Variants in PRKCZ observed in about 807,000 individuals in gnomAD.
PRKCZ encodes protein kinase C zeta, also known as protein kinase C zeta type.
In PRKCZ, 33 loss-of-function variants were observed where a neutral mutation model predicts 79.5. The ratio of observed to expected loss-of-function variants is 0.41; its 90% CI spans 0.31 to 0.55. The LOEUF (loss-of-function observed/expected upper bound fraction) is 0.55, where lower values mean the gene tolerates loss of function less well. Ranked by LOEUF, PRKCZ falls within the 20% of genes least tolerant of loss-of-function variation. PRKCZ has a pLI of 0.19. For synonymous variants in PRKCZ, 342 were observed against 320.9 expected, an observed-to-expected ratio of 1.07 and a Z score of -0.70; for missense variants, 578 against 813.5, an observed-to-expected ratio of 0.71 and a Z score of 3.52.
intron 4 of PRKCZ, among the ~76,000 whole-genome samples, chr1:2,063,781 T>G (rs1311760851): frequency 6.6e-6 from 1 of 152,114 alleles, no homozygotes; most frequent in Admixed American, 6.6e-5. Flanking sequence ...CATTGTGGTT[T>G]TGGTTCTCAT....
intron 4 of PRKCZ, among the ~76,000 whole-genome samples, chr1:2,080,979 A>G (rs2678945): frequency 0.49 from 74,009 of 151,964 alleles, 22,004 homozygotes; most frequent in East Asian, 0.95. Context: ...CGCTGGGTCC[A>G]GGTCCACACC....
Position 2,174,618 on chromosome 1 carries a change from C to T in PRKCZ, c.1406-136C>T. ...GCGGGACTCCGGGTTATAGATATTG[C>T]TGGGCTGTAGGAAGGGAGGGGCTCC... On this transcript the variant is annotated intron_variant, in intron 14 of 17. Transcript: ENST00000378567. This position sits in a 1 kb window ranked among gnomAD's most constrained non-coding sequence, Gnocchi z 6.2. 1 of 794,384 alleles carries T rather than the reference C, an allele frequency of 1.3e-6. No individual in the cohort carries two copies. The highest frequency in any genetic ancestry group is 2.1e-6 in the Non-Finnish European group (1 of 486,384). The allele number at this position is 794,384 out of a possible 1,614,324, so 49.2% of individuals were successfully genotyped here. A position where few individuals can be genotyped will look rare whatever the true frequency, so the allele number is the denominator to read the frequency against.
chr1:2,106,801 CT>C lies in PRKCZ; in HGVS notation c.335-28459del, dbSNP rs771743133. Among the ~76,000 whole-genome samples, 139 of 66,036 alleles carry C rather than the reference CT, an allele frequency of 2.1e-3. 7 individuals carry two copies. Among genetic ancestry groups the C allele is most frequent in the South Asian group, 6.5e-3 (13 of 2,010 alleles). The allele number at this position is 66,036 out of a possible 152,430, so 43.3% of individuals were successfully genotyped here. A position where few individuals can be genotyped will look rare whatever the true frequency, so the allele number is the denominator to read the frequency against. Reference sequence around the variant, plus strand: ...ACACGTGTCACCAGGCCAGGTGACTCTTCAGCAGGCCCCTCTGGTGGGCGAG... The same window carrying C: ...ACACGTGTCACCAGGCCAGGTGACTCTCAGCAGGCCCCTCTGGTGGGCGAG... On this transcript the variant is annotated intron_variant, in intron 4 of 17. Transcript: ENST00000378567.
intron 4 of PRKCZ, among the ~76,000 whole-genome samples, chr1:2,111,297 C>A (rs1429803385): frequency 2.0e-5 from 3 of 151,934 alleles, no homozygotes; most frequent in Non-Finnish European, 4.4e-5. Flanking sequence ...CCCACGGCAA[C>A]TGTGAAGGTC....
intron 4 of PRKCZ, among the ~76,000 whole-genome samples, chr1:2,085,297 A>AGGTCCCGGAGCAGGAGCT (rs1664293339): frequency 6.6e-6 from 1 of 152,210 alleles, no homozygotes; most frequent in South Asian, 2.1e-4. Context: ...AGCACACAGA[A>AGGTCCCGGAGCAGGAGCT]GGTCCCGGAG....
chr1:2,086,809 C>T (rs187060794), intron 4 of PRKCZ, among the ~76,000 whole-genome samples: 204 of 152,328 alleles, frequency 1.3e-3, no homozygotes, highest in African/African-American at 4.6e-3. Context: ...TGAGCCTGTT[C>T]GCTCGTGTGC....
chr1:2,054,960 T>TTTA (rs1660021680), intron 1 of PRKCZ, among the ~76,000 whole-genome samples: 1 of 149,760 alleles, frequency 6.7e-6, no homozygotes, highest in Admixed American at 6.6e-5. Context: ...TTTTTTTTTT[T>TTTA]AATACGGAGT....
At chr1:2,144,606 T>A in intron 6 of PRKCZ, 1 of 1,310,028 alleles carries the variant, frequency 7.6e-7, no homozygotes, top group Admixed American at 3.3e-5. Context: ...TACGCTCTGC[T>A]CAGTGGGTCG....
chr1:2,185,071 C>G lies in PRKCZ; in HGVS notation c.*62C>G. The G allele has an allele frequency of 1.4e-6, 2 of 1,456,034 alleles. No individual in the cohort carries two copies. Among genetic ancestry groups the G allele is most frequent in the Non-Finnish European group, 1.9e-6 (2 of 1,056,808 alleles). 90.2% of individuals were successfully genotyped at this position (1,456,034 alleles called of 1,614,324 possible). On this transcript the variant is annotated 3_prime_UTR_variant, in exon 18 of 18. Coordinates refer to ENST00000378567, the MANE Select transcript of PRKCZ (RefSeq NM_002744.6). ...ACCCTTTAACTGTATCCTTAACCAC[C>G]GCATATGCATGCCAGGCTGGGCACG...
intron 4 of PRKCZ, among the ~76,000 whole-genome samples, chr1:2,086,078 TTG>T: frequency 6.7e-6 from 1 of 150,162 alleles, no homozygotes; most frequent in Non-Finnish European, 1.5e-5. Flanking sequence ...TTTTTTTAAA[TTG>T]AGACGGAGTC....
At chr1:2,104,157 A>AG (rs1176271607) in intron 4 of PRKCZ, among the ~76,000 whole-genome samples, 1 of 152,110 alleles carries the variant, frequency 6.6e-6, no homozygotes, top group Non-Finnish European at 1.5e-5. Flanking sequence ...CTCTGGGGCA[A>AG]GGCGGGGTGA....
At position 2,173,371 on chromosome 1, in the gene PRKCZ, A is replaced by G. The variant is rs543103723; in HGVS notation, c.1286-526A>G. ...GCGGCAGCGTCTCACCTCAGCAGGG[A>G]CCAGGGGGACTTCCGGGGACGCAGA... On this transcript the variant is annotated intron_variant, in intron 13 of 17. Transcript: ENST00000378567. This position sits in a 1 kb window ranked among gnomAD's most constrained non-coding sequence, Gnocchi z 5.7. 1.2e-4 allele frequency among the ~76,000 whole-genome samples: 19 copies of G among 152,228 alleles called. No individual in the cohort carries two copies. In the South Asian group the frequency reaches 3.7e-3, roughly 30 times the overall value.
At chr1:2,072,801 G>T (rs1174550608) in intron 4 of PRKCZ, among the ~76,000 whole-genome samples, 1 of 152,132 alleles carries the variant, frequency 6.6e-6, no homozygotes, top group East Asian at 1.9e-4. Context: ...TGCAGGGAGC[G>T]TGTGGTGTGA....
At chr1:2,117,245 C>T (rs147843729) in intron 4 of PRKCZ, among the ~76,000 whole-genome samples, 109 of 152,262 alleles carry the variant, frequency 7.2e-4, no homozygotes, top group African/African-American at 2.4e-3. Context: ...CCACTGCACC[C>T]GGCCTTAAAT....
intron 4 of PRKCZ, among the ~76,000 whole-genome samples, chr1:2,083,834 A>G (rs1206624355): frequency 6.6e-6 from 1 of 152,196 alleles, no homozygotes; most frequent in Non-Finnish European, 1.5e-5. Flanking sequence ...CAGTTGAAAC[A>G]TGGAATCTGA....
intron 4 of PRKCZ, among the ~76,000 whole-genome samples, chr1:2,103,399 A>G (rs1014939344): frequency 6.6e-6 from 1 of 150,520 alleles, no homozygotes; most frequent in Non-Finnish European, 1.5e-5. Flanking sequence ...ACAGTTACAC[A>G]GAGTGTGGGG....
chr1:2,087,007 G>C (rs1426449759), intron 4 of PRKCZ, among the ~76,000 whole-genome samples: 2 of 152,260 alleles, frequency 1.3e-5, no homozygotes, highest in East Asian at 3.9e-4. Flanking sequence ...TCTTTCGTGG[G>C]GTTATGCTGT....
At chr1:2,097,057 A>AGACTCC (rs1666652022) in intron 4 of PRKCZ, among the ~76,000 whole-genome samples, 1 of 152,248 alleles carries the variant, frequency 6.6e-6, no homozygotes, top group Non-Finnish European at 1.5e-5. Context: ...CTCAGGCCAC[A>AGACTCC]GACTCCGACT....
At chr1:2,110,541 G>A (rs979453814) in intron 4 of PRKCZ, among the ~76,000 whole-genome samples, 10 of 152,098 alleles carry the variant, frequency 6.6e-5, no homozygotes, top group African/African-American at 2.4e-4. Flanking sequence ...CACTGGGCCC[G>A]AAGAGGGAAA....
Sources: gnomAD v4.1 joint callset for allele counts (sites outside exome capture counted in the v4.1 genomes callset) on GRCh38, gnomAD v4.1.1 for gene constraint, Gnocchi (gnomAD v3.1) non-coding constraint, MANE v1.5 for transcripts, NCBI Gene and HGNC (gene_info 2026-07-23, HGNC 2026-07-21) for gene names.